The following FHAD1 variants were observed in gnomAD, a reference collection of about 807,000 sequenced individuals.
FHAD1 encodes the protein forkhead-associated domain-containing protein 1.
FHAD1 carries 146 observed loss-of-function variants against 191.3 expected under a neutral mutation model. That is an observed-to-expected ratio of 0.76 (90% CI 0.67 to 0.88). FHAD1 has a LOEUF of 0.88. FHAD1 is among the 40% of genes least tolerant of loss of function. The probability of loss-of-function intolerance (pLI) is 0.00; values close to 1 mark genes in which losing one functional copy is unlikely to be tolerated. For synonymous variants in FHAD1, 616 were observed against 672.3 expected (o/e 0.92, Z 1.29); for missense variants, 1,635 against 1,785.8 (o/e 0.92, Z 1.52).
intron 2 of FHAD1, among the ~76,000 whole-genome samples, chr1:15,267,269 C>T (rs35542971): frequency 5.7e-4 from 87 of 152,234 alleles, no homozygotes; most frequent in South Asian, 1.0e-3. Flanking sequence ...GATTTTCAAA[C>T]GCCAAATCAG....
At chr1:15,263,510 C>CATTTTTTTT (rs1652008835) in intron 2 of FHAD1, among the ~76,000 whole-genome samples, 1 of 75,032 alleles carries the variant, frequency 1.3e-5, no homozygotes, top group African/African-American at 4.5e-5. Flanking sequence ...CAGTTTTATT[C>CATTTTTTTT]TTTTTTTTTT....
At chr1:15,315,979 A>T (rs1574275044) in intron 8 of FHAD1, among the ~76,000 whole-genome samples, 1 of 151,976 alleles carries the variant, frequency 6.6e-6, no homozygotes, top group Non-Finnish European at 1.5e-5. Context: ...TTCCATTTTC[A>T]CCGCCGCTCC....
At position 15,341,780 on chromosome 1, in the gene FHAD1, G is replaced by C. The variant is rs763821; in HGVS notation, c.2022G>C (p.Gln674His). The C allele has an allele frequency of 6.4e-7, 1 of 1,550,630 alleles. No individual in the cohort carries two copies. Residue 674 changes from glutamine (Q) to histidine (H), a missense_variant, in exon 16 of 34, where the codon CAG becomes CAC. Transcript: ENST00000688493. The stretch of plus-strand genomic sequence containing the variant: ...AGGAAACTCAGCAGTCTTTACTGCA[G>C]GAAAAGCTGCGGGAGCATCTGGCAG... ...SSQETQQSLL[Q>H]EKLREHLAEK...
chr1:15,401,424 C>T (rs991763693), downstream of FHAD1, among the ~76,000 whole-genome samples: 1 of 152,220 alleles, frequency 6.6e-6, no homozygotes, highest in South Asian at 2.1e-4. Context: ...CAGTGAGGTA[C>T]CTGTATACCC....
At chr1:15,307,065 AG>A (rs1670725207) in intron 6 of FHAD1, among the ~76,000 whole-genome samples, 1 of 152,172 alleles carries the variant, frequency 6.6e-6, no homozygotes, top group Non-Finnish European at 1.5e-5. Flanking sequence ...GCAAAGCCAC[AG>A]GGATGGAGCT....
At chr1:15,309,368 C>T (rs1671535048) in intron 7 of FHAD1, among the ~76,000 whole-genome samples, 1 of 152,184 alleles carries the variant, frequency 6.6e-6, no homozygotes, top group Non-Finnish European at 1.5e-5. Flanking sequence ...GGAGAGAGAG[C>T]CCTGAGCAGT....
chr1:15,323,909 G>A (rs189584904), intron 10 of FHAD1, among the ~76,000 whole-genome samples: 46 of 152,290 alleles, frequency 3.0e-4, no homozygotes, highest in Admixed American at 3.0e-3. Context: ...GCAATAAACA[G>A]TTACAATAAT....
intron 14 of FHAD1, 73 bp from the exon 15 acceptor site, chr1:15,339,408 G>A: frequency 1.6e-6 from 1 of 643,982 alleles, no homozygotes; most frequent in Non-Finnish European, 2.4e-6. Context: ...TGGCAACGTT[G>A]CTTTCATCCA....
chr1:15,245,645 C>T (rs1301694898), upstream of FHAD1, among the ~76,000 whole-genome samples: 2 of 152,188 alleles, frequency 1.3e-5, no homozygotes, highest in East Asian at 3.9e-4. Context: ...TAACATTTTA[C>T]GCCTAGAATC....
intron 19 of FHAD1, 77 bp downstream of exon 19, chr1:15,349,226 G>C (rs746212344): frequency 8.7e-7 from 1 of 1,155,356 alleles, no homozygotes; most frequent in African/African-American, 1.6e-5. Context: ...GTGGGAAATC[G>C]GGCAGATATC....
Position 15,301,816 on chromosome 1 carries a change from C to T in FHAD1, c.915+375C>T, listed in dbSNP as rs182189457. Among the ~76,000 whole-genome samples, 19 of 152,224 alleles carry T rather than the reference C, an allele frequency of 1.2e-4. 1 individual carries two copies. In the East Asian group the frequency reaches 3.7e-3, roughly 29 times the overall value. On this transcript the variant is annotated intron_variant, in intron 6 of 33. Coordinates refer to ENST00000688493, the MANE Select transcript of FHAD1 (RefSeq NM_001391957.1). ...CTGAGGCAGGCAGATCACTTGAGGT[C>T]AGGAGTTTGAGACCAGCCTGGCCAA...
intron 4 of FHAD1, among the ~76,000 whole-genome samples, chr1:15,291,511 G>A (rs568725267): frequency 3.3e-5 from 5 of 152,092 alleles, no homozygotes; most frequent in African/African-American, 4.8e-5. Flanking sequence ...CATTTAGCAC[G>A]TATACCATTA....
intron 1 of FHAD1, among the ~76,000 whole-genome samples, chr1:15,251,332 A>C (rs1646756419): frequency 1.3e-5 from 2 of 152,012 alleles, no homozygotes; most frequent in Non-Finnish European, 2.9e-5. Context: ...AGTCACAGAG[A>C]GAGAATAAGT....
chr1:15,284,214 C>T (rs932823325), intron 3 of FHAD1, among the ~76,000 whole-genome samples: 4 of 152,226 alleles, frequency 2.6e-5, no homozygotes, highest in Non-Finnish European at 5.9e-5. Flanking sequence ...GGCACAGCGG[C>T]TCACGCCGGT....
chr1:15,292,807 T>G (rs1665335461), intron 4 of FHAD1, among the ~76,000 whole-genome samples: 1 of 151,886 alleles, frequency 6.6e-6, no homozygotes, highest in African/African-American at 2.4e-5. Context: ...CTTGAAAAAA[T>G]AAATTGGTGC....
chr1:15,386,656 C>A (rs560065178), intron 31 of FHAD1, among the ~76,000 whole-genome samples: 1 of 152,210 alleles, frequency 6.6e-6, no homozygotes, highest in African/African-American at 2.4e-5. Flanking sequence ...AGCTTTGCCA[C>A]GCGGTCTCAG....
upstream of FHAD1, among the ~76,000 whole-genome samples, chr1:15,242,652 C>T (rs1206916499): frequency 1.3e-5 from 2 of 152,110 alleles, no homozygotes; most frequent in African/African-American, 2.4e-5. Context: ...TCCATATCCA[C>T]ATATAGAAAG....
At position 15,289,710 on chromosome 1, in the gene FHAD1, G is replaced by C. The variant is rs937554138; in HGVS notation, c.568+44G>C. The C allele has an allele frequency of 6.6e-7, 1 of 1,517,490 alleles. No homozygotes were observed. Among genetic ancestry groups the C allele is most frequent in the Admixed American group, 2.0e-5 (1 of 49,702 alleles). 94.0% of individuals were successfully genotyped at this position (1,517,490 alleles called of 1,614,324 possible). ...ATTGGTGGCTTGGGGGTGGTTCACG[G>C]CCATGTGGATGGGTCTTGGTTTTGG... On this transcript the variant is annotated intron_variant, in intron 4 of 33. Transcript: ENST00000688493. This position sits in a 1 kb window ranked among gnomAD's most constrained non-coding sequence, Gnocchi z 4.2.
chr1:15,296,148 A>T (rs1666891171), intron 4 of FHAD1, among the ~76,000 whole-genome samples: 1 of 152,234 alleles, frequency 6.6e-6, no homozygotes, highest in Non-Finnish European at 1.5e-5. Context: ...CACGTTGGGT[A>T]ACAGCAGTTA....
Sources: gnomAD v4.1 joint callset for allele counts (sites outside exome capture counted in the v4.1 genomes callset) on GRCh38, gnomAD v4.1.1 for gene constraint, Gnocchi (gnomAD v3.1) non-coding constraint, MANE v1.5 for transcripts, NCBI Gene and HGNC (gene_info 2026-07-23, HGNC 2026-07-21) for gene names.